The following MTA1 variants were observed in gnomAD, a reference collection of about 807,000 sequenced individuals.
The protein encoded by MTA1 is metastasis associated 1.
MTA1 carries 15 observed loss-of-function variants against 97.0 expected under a neutral mutation model. The observed-to-expected ratio is 0.15, with a 90% confidence interval of 0.10 to 0.24. The LOEUF is 0.24. Ranked by LOEUF, MTA1 falls within the 10% of genes least tolerant of loss-of-function variation. MTA1 has a pLI of 1.00. For missense variants in MTA1, 709 were observed against 1,015.1 expected, an observed-to-expected ratio of 0.70 and a Z score of 4.10; for synonymous variants, 435 against 417.5, an observed-to-expected ratio of 1.04 and a Z score of -0.51.
chr14:105,449,220 T>C, intron 3 of MTA1, 139 bp from the exon 4 acceptor site: 1 of 746,166 alleles, frequency 1.3e-6, no homozygotes, highest in Non-Finnish European at 2.1e-6. Flanking sequence ...CGGGTGGTCT[T>C]CACGCCCCAC....
rs368375983 is a variant in MTA1 at position 105,463,441 on chromosome 14, G to T, written c.1018-52G>T. 6 of 1,600,782 alleles carry T rather than the reference G, an allele frequency of 3.7e-6. No individual in the cohort carries two copies. In the African/African-American group the frequency reaches 6.7e-5, roughly 18 times the overall value. Reference sequence around the variant, plus strand: ...TAGCCTCCAGCCTGTCTGCACTGCAGCCCCAACCTGGGCCTAGCCTGCTGA... The same window carrying T: ...TAGCCTCCAGCCTGTCTGCACTGCATCCCCAACCTGGGCCTAGCCTGCTGA... On this transcript the variant is annotated intron_variant, in intron 11 of 20. Coordinates refer to ENST00000331320, the MANE Select transcript of MTA1 (RefSeq NM_004689.4). The surrounding 1 kb of genome is among the most constrained non-coding windows in gnomAD (Gnocchi z 5.9).
intron 1 of MTA1, among the ~76,000 whole-genome samples, chr14:105,433,080 C>T (rs1555423709): frequency 6.6e-6 from 1 of 152,126 alleles, no homozygotes; most frequent in African/African-American, 2.4e-5. Context: ...AGCATTTCTG[C>T]CAGGGGTACG....
rs587721917 is a variant in MTA1 at position 105,439,547 on chromosome 14, G to A, written c.96+808G>A. 1.9e-3 allele frequency among the ~76,000 whole-genome samples: 291 copies of A among 152,250 alleles called. 1 individual carries two copies. The highest frequency in any genetic ancestry group is 1.8e-3 in the Non-Finnish European group (121 of 67,992). Reference sequence around the variant, plus strand: ...GCCCGCACACCCTGGGAGCCTTCTCGCTGTCCTCAGGGGTGGTGGGTGGGT... The same window carrying A: ...GCCCGCACACCCTGGGAGCCTTCTCACTGTCCTCAGGGGTGGTGGGTGGGT... On this transcript the variant is annotated intron_variant, in intron 2 of 20. Coordinates refer to ENST00000331320, the MANE Select transcript of MTA1 (RefSeq NM_004689.4).
Position 105,422,518 on chromosome 14 carries a change from C to A in MTA1, c.28+2455C>A, listed in dbSNP as rs587729288. ...GGGGCTTGCTCCTGTGCCCCCCCAC[C>A]CCAGGGACCTTGTGTGTAGAGGCAC... is the stretch of plus-strand genomic sequence containing the variant. On this transcript the variant is annotated intron_variant, in intron 1 of 20. Transcript: ENST00000331320. This position sits in a 1 kb window ranked among gnomAD's most constrained non-coding sequence, Gnocchi z 4.3. 1.6e-4 allele frequency among the ~76,000 whole-genome samples: 25 copies of A among 152,208 alleles called. No individual in the cohort carries two copies. Among genetic ancestry groups the A allele is most frequent in the Middle Eastern group, 3.4e-3 (1 of 294 alleles).
chr14:105,427,135 C>T (rs2082037051), intron 1 of MTA1, among the ~76,000 whole-genome samples: 1 of 152,202 alleles, frequency 6.6e-6, no homozygotes. Context: ...TCTTCTGTGG[C>T]CCCATCCCCT....
chr14:105,429,752 CTTTTTTTTT>C (rs59028638), intron 1 of MTA1, among the ~76,000 whole-genome samples: 6 of 50,570 alleles, frequency 1.2e-4, no homozygotes, highest in African/African-American at 4.5e-4. Flanking sequence ...TGCGCCCGGC[CTTTTTTTTT>C]TTTTTTTTTT....
In MTA1 at chr14:105,420,200, A is replaced by C. The variant is rs1335495184; in HGVS notation, c.28+137A>C. On this transcript the variant is annotated intron_variant, in intron 1 of 20. Transcript: ENST00000331320. This position sits in a 1 kb window ranked among gnomAD's most constrained non-coding sequence, Gnocchi z 5.3. ...CCTCGCGGCCCCCGGCTCCTTCCCG[A>C]ACCGCCCCCCGCCGTGCTCACCCCA... 8.4e-6 allele frequency: 3 copies of C among 356,974 alleles called. No homozygotes were observed. The highest frequency in any genetic ancestry group is 1.2e-5 in the Non-Finnish European group (3 of 257,354). The allele number at this position is 356,974 out of a possible 1,614,324, so 22.1% of individuals were successfully genotyped here.
At chr14:105,457,604 A>T (rs4074000) in intron 7 of MTA1, among the ~76,000 whole-genome samples, 2 of 152,194 alleles carry the variant, frequency 1.3e-5, no homozygotes, top group Admixed American at 6.5e-5. Flanking sequence ...GCCCTCTTGC[A>T]ACAGCATGTG....
At chr14:105,434,648 A>G (rs1314097635) in intron 1 of MTA1, among the ~76,000 whole-genome samples, 1 of 151,856 alleles carries the variant, frequency 6.6e-6, no homozygotes, top group East Asian at 1.9e-4. Context: ...ACGGGCATAC[A>G]CCACCACACC....
chr14:105,469,305 T>A, intron 18 of MTA1, 162 bp from the exon 19 acceptor site: 1 of 732,872 alleles, frequency 1.4e-6, no homozygotes, highest in East Asian at 2.7e-5. Context: ...GACCCGGGGA[T>A]GCGAGGCCCC....
chr14:105,449,458 G>A (rs2082838794), intron 4 of MTA1, 49 bp downstream of exon 4: 2 of 1,591,406 alleles, frequency 1.3e-6, no homozygotes, highest in Non-Finnish European at 1.7e-6. Flanking sequence ...TGTGTCCCTG[G>A]GCTGGGGGCG....
At position 105,450,080 on chromosome 14, in the gene MTA1, G is replaced by A. The variant is rs1156717697; in HGVS notation, c.264G>A (p.Glu88=). 1 of 1,613,428 alleles carries A rather than the reference G, an allele frequency of 6.2e-7. No individual in the cohort carries two copies. The highest frequency in any genetic ancestry group is 8.5e-7 in the Non-Finnish European group (1 of 1,179,886). The part of the protein sequence containing the change: ...GEEGEIEEEM[E]NPEMVDLPEK... The stretch of plus-strand genomic sequence containing the variant: ...CAGGGGAAATAGAAGAGGAAATGGA[G>A]AACCCGGAAATGGTGGACCTGCCCG... Residue 88 remains glutamate, a synonymous_variant, in exon 5 of 21, where the codon GAG becomes GAA. Coordinates refer to ENST00000331320, the MANE Select transcript of MTA1 (RefSeq NM_004689.4).
intron 4 of MTA1, among the ~76,000 whole-genome samples, chr14:105,449,684 C>T (rs1224157871): frequency 6.6e-6 from 1 of 152,170 alleles, no homozygotes; most frequent in East Asian, 1.9e-4. Flanking sequence ...AGGGCGGCTG[C>T]CCCTCGCCCT....
intron 6 of MTA1, among the ~76,000 whole-genome samples, chr14:105,451,184 C>T (rs587736709): frequency 2.6e-5 from 4 of 152,344 alleles, no homozygotes; most frequent in South Asian, 2.1e-4. Context: ...TGGCCATCGG[C>T]GCTCTGGCAT....
Position 105,422,352 on chromosome 14 carries a change from A to G in MTA1, c.28+2289A>G, listed in dbSNP as rs1254976771. 2.6e-5 allele frequency among the ~76,000 whole-genome samples: 4 copies of G among 151,954 alleles called. No homozygotes were observed. The highest frequency in any genetic ancestry group is 4.2e-4 in the South Asian group (2 of 4,792). ...GGGGAGGTGGGCGTCTGGATTCTTG[A>G]GCCCCCAGACAAGAAAGAGGAAGGT... On this transcript the variant is annotated intron_variant, in intron 1 of 20. Coordinates refer to ENST00000331320, the MANE Select transcript of MTA1 (RefSeq NM_004689.4). The surrounding 1 kb of genome is among the most constrained non-coding windows in gnomAD (Gnocchi z 4.3).
rs587630178 is a variant in MTA1 at position 105,462,990 on chromosome 14, C to T, written c.943-194C>T. On this transcript the variant is annotated intron_variant, in intron 10 of 20. Transcript: ENST00000331320. Reference sequence around the variant, plus strand: ...GGCGTCACTGTGTTTTGGCATCTGGCGGGGGGACCTGCTTCATCAGCTGCC... The same window carrying T: ...GGCGTCACTGTGTTTTGGCATCTGGTGGGGGGACCTGCTTCATCAGCTGCC... Among the ~76,000 whole-genome samples, 24 of 152,286 alleles carry T rather than the reference C, an allele frequency of 1.6e-4. 1 individual carries two copies. The South Asian group carries it at 4.3e-3, about 28-fold the overall frequency.
intron 3 of MTA1, among the ~76,000 whole-genome samples, chr14:105,446,480 G>A (rs2082722031): frequency 6.6e-6 from 1 of 152,214 alleles, no homozygotes; most frequent in African/African-American, 2.4e-5. Context: ...GTGGGTTTGC[G>A]GTGGGTCGGG....
At chr14:105,441,648 G>A (rs1039636873) in intron 2 of MTA1, among the ~76,000 whole-genome samples, 1 of 152,164 alleles carries the variant, frequency 6.6e-6, no homozygotes, top group Non-Finnish European at 1.5e-5. Context: ...CAAAAAATTA[G>A]CCGGGCGTGG....
chr14:105,455,117 G>C lies in MTA1; in HGVS notation c.550+807G>C, dbSNP rs146637875. The stretch of plus-strand genomic sequence containing the variant: ...GACAGGGTTTCGCCATGTTGCCCAG[G>C]TTGGTCTCAAACCCCTGAACTCAAG... On this transcript the variant is annotated intron_variant, in intron 7 of 20. Transcript: ENST00000331320. 6.9e-3 allele frequency among the ~76,000 whole-genome samples: 1,043 copies of C among 152,206 alleles called. 10 individuals are homozygous for C. Among genetic ancestry groups the C allele is most frequent in the South Asian group, 0.015 (72 of 4,828 alleles).
Sources: gnomAD v4.1 joint callset for allele counts (sites outside exome capture counted in the v4.1 genomes callset) on GRCh38, gnomAD v4.1.1 for gene constraint, Gnocchi (gnomAD v3.1) non-coding constraint, MANE v1.5 for transcripts, NCBI Gene and HGNC (gene_info 2026-07-23, HGNC 2026-07-21) for gene names.